Variants in SND1 observed in about 807,000 individuals in gnomAD.
SND1 encodes staphylococcal nuclease and tudor domain containing 1, also known as staphylococcal nuclease domain-containing protein 1.
SND1 carries 38 observed loss-of-function variants against 121.7 expected under a neutral mutation model. That is an observed-to-expected ratio of 0.31 (90% confidence interval 0.24 to 0.41). The LOEUF (loss-of-function observed/expected upper bound fraction) is 0.41, where lower values mean the gene tolerates loss of function less well. Among genes scored for constraint, SND1 ranks in the 10% least tolerant of loss-of-function variants. The probability of loss-of-function intolerance (pLI) is 1.00; values close to 1 mark genes in which losing one functional copy is unlikely to be tolerated. For missense variants in SND1, 868 were observed against 1,184.6 expected (o/e 0.73, Z 3.92); for synonymous variants, 401 against 447.4 (o/e 0.90, Z 1.31).
chr7:127,945,858 T>G (rs908201889), intron 15 of SND1, among the ~76,000 whole-genome samples: 1 of 152,254 alleles, frequency 6.6e-6, no homozygotes, highest in Non-Finnish European at 1.5e-5. Flanking sequence ...GTCTCCATTT[T>G]GCAGATGAGA....
intron 16 of SND1, among the ~76,000 whole-genome samples, chr7:127,995,007 C>T (rs1367766244): frequency 1.3e-5 from 2 of 152,130 alleles, no homozygotes; most frequent in Admixed American, 6.5e-5. Flanking sequence ...CAGGCATGAG[C>T]CAACCGCGCC....
At chr7:127,734,494 G>A (rs1796738859) in intron 10 of SND1, among the ~76,000 whole-genome samples, 1 of 152,172 alleles carries the variant, frequency 6.6e-6, no homozygotes, top group Non-Finnish European at 1.5e-5. Context: ...GCTGAACTCG[G>A]TAAGGCAGAG....
intron 15 of SND1, among the ~76,000 whole-genome samples, chr7:127,936,666 C>T (rs988814292): frequency 1.3e-5 from 2 of 152,040 alleles, no homozygotes; most frequent in Non-Finnish European, 2.9e-5. Flanking sequence ...TCCCTCAGAT[C>T]CTGAGTATCT....
chr7:127,784,912 CTTGTT>C (rs547138789), intron 10 of SND1, among the ~76,000 whole-genome samples: 6 of 152,080 alleles, frequency 3.9e-5, no homozygotes, highest in African/African-American at 1.2e-4. Context: ...AATGTTTTTT[CTTGTT>C]TTGTTTTGTT....
intron 22 of SND1, among the ~76,000 whole-genome samples, chr7:128,090,716 C>T (rs1005485846): frequency 1.1e-4 from 16 of 152,324 alleles, no homozygotes; most frequent in East Asian, 1.9e-4. Flanking sequence ...CCCACCACAC[C>T]GCAAGCCCAC....
intron 16 of SND1, among the ~76,000 whole-genome samples, chr7:128,022,204 CAAAAAAAAAAAAA>C (rs58371490): frequency 1.3e-5 from 1 of 74,148 alleles, no homozygotes; most frequent in South Asian, 6.5e-4. Flanking sequence ...GACTCTCTCT[CAAAAAAAAAAAAA>C]AAAAAAAAAA....
chr7:127,878,715 G>T (rs1371207775), intron 12 of SND1, among the ~76,000 whole-genome samples: 1 of 152,076 alleles, frequency 6.6e-6, no homozygotes, highest in Non-Finnish European at 1.5e-5. Context: ...GCTTTAAATT[G>T]TTAATCAGTG....
At chr7:127,847,034 G>A (rs1379546975) in intron 12 of SND1, among the ~76,000 whole-genome samples, 3 of 152,028 alleles carry the variant, frequency 2.0e-5, no homozygotes, top group Non-Finnish European at 2.9e-5. Context: ...TTGGGAGGCC[G>A]AGGCGGTTGG....
At chr7:127,959,305 A>C (rs1563071130) in intron 15 of SND1, among the ~76,000 whole-genome samples, 1 of 152,218 alleles carries the variant, frequency 6.6e-6, no homozygotes, top group Non-Finnish European at 1.5e-5. Flanking sequence ...TTTCCCTGGC[A>C]GACTGCATTG....
At chr7:127,659,804 C>T (rs1249203062) in intron 1 of SND1, among the ~76,000 whole-genome samples, 1 of 152,122 alleles carries the variant, frequency 6.6e-6, no homozygotes, top group African/African-American at 2.4e-5. Context: ...GATATTCCAC[C>T]TCAAACTCTC....
At chr7:127,937,571 T>C (rs1801087762) in intron 15 of SND1, among the ~76,000 whole-genome samples, 1 of 152,116 alleles carries the variant, frequency 6.6e-6, no homozygotes, top group African/African-American at 2.4e-5. Context: ...TGTCTAGGAT[T>C]TGATAAATGG....
At chr7:127,826,790 A>G (rs1314543845) in intron 11 of SND1, among the ~76,000 whole-genome samples, 1 of 152,210 alleles carries the variant, frequency 6.6e-6, no homozygotes, top group Non-Finnish European at 1.5e-5. Flanking sequence ...TTTTATATAG[A>G]TCAGCAAGAG....
intron 16 of SND1, among the ~76,000 whole-genome samples, chr7:128,002,383 G>A (rs1802857265): frequency 6.6e-6 from 1 of 152,130 alleles, no homozygotes; most frequent in African/African-American, 2.4e-5. Flanking sequence ...AATAACATAA[G>A]GTCTCTTTGT....
chr7:127,852,029 G>A (rs1205635624), intron 12 of SND1, among the ~76,000 whole-genome samples: 3 of 151,980 alleles, frequency 2.0e-5, no homozygotes, highest in Non-Finnish European at 2.9e-5. Context: ...GTGTAGTGAT[G>A]CATGTCTGTT....
Position 127,921,032 on chromosome 7 carries a change from C to A in SND1, c.1528-8156C>A, listed in dbSNP as rs569907064. Among the ~76,000 whole-genome samples the A allele has an allele frequency of 2.9e-4, 44 of 152,232 alleles. No homozygotes were observed. In the South Asian group the frequency reaches 7.7e-3, roughly 27 times the overall value. ...TAAATTTGGGAAACTGAAAGTCATT[C>A]AGTAAGAGAACAATCTCTGAGCTTG... On this transcript the variant is annotated intron_variant, in intron 14 of 23. Transcript: ENST00000354725.
intron 15 of SND1, among the ~76,000 whole-genome samples, chr7:127,963,159 G>A (rs930049305): frequency 2.6e-5 from 4 of 152,096 alleles, no homozygotes; most frequent in Non-Finnish European, 5.9e-5. Context: ...AAAATGCAAA[G>A]CATGGGCAGG....
intron 11 of SND1, among the ~76,000 whole-genome samples, chr7:127,814,565 G>C (rs1016589732): frequency 2.0e-5 from 3 of 151,656 alleles, no homozygotes; most frequent in African/African-American, 7.3e-5. Flanking sequence ...TCCAGCATAC[G>C]ATCAGTTTTG....
At chr7:127,723,358 G>T (rs141517282) in intron 10 of SND1, among the ~76,000 whole-genome samples, 11 of 151,510 alleles carry the variant, frequency 7.3e-5, no homozygotes, top group Non-Finnish European at 1.3e-4. Context: ...CTCTTACAAG[G>T]CGTGTTACCT....
At chr7:127,893,397 CTTTAT>C (rs1800052549) in intron 13 of SND1, among the ~76,000 whole-genome samples, 1 of 152,076 alleles carries the variant, frequency 6.6e-6, no homozygotes, top group African/African-American at 2.4e-5. Flanking sequence ...CTACCAGTAG[CTTTAT>C]TTTAAGAATT....
Sources: allele counts gnomAD v4.1 joint callset (sites outside exome capture counted in the v4.1 genomes callset), GRCh38; gene constraint gnomAD v4.1.1; transcripts MANE v1.5; gene names NCBI Gene and HGNC (gene_info 2026-07-23, HGNC 2026-07-21).